The following SMAD3 variants were observed in gnomAD, a reference collection of about 807,000 sequenced individuals.
The protein encoded by SMAD3 is MAD homolog 3.
In SMAD3, 12 loss-of-function variants were observed where a neutral mutation model predicts 51.8. The observed-to-expected ratio is 0.23, with a 90% CI of 0.15 to 0.38. The LOEUF (loss-of-function observed/expected upper bound fraction) is 0.38. Among genes scored for constraint, SMAD3 ranks in the 10% least tolerant of loss-of-function variants. The pLI is 1.00. For missense variants in SMAD3, 294 were observed against 565.6 expected (o/e 0.52, Z 4.87); for synonymous variants, 238 against 227.7 (o/e 1.05, Z -0.41).
chr15:67,134,159 C>A (rs1056053554), intron 1 of SMAD3, among the ~76,000 whole-genome samples: 41 of 152,044 alleles, frequency 2.7e-4, no homozygotes, highest in African/African-American at 9.4e-4. Flanking sequence ...TTCTCCCTTC[C>A]CTTAAGAAAC....
intron 5 of SMAD3, among the ~76,000 whole-genome samples, chr15:67,179,666 T>C (rs987695382): frequency 3.3e-5 from 5 of 152,302 alleles, no homozygotes; most frequent in South Asian, 4.1e-4. Context: ...ACCAGACCCC[T>C]TCCAGTGGGC....
intron 5 of SMAD3, among the ~76,000 whole-genome samples, chr15:67,175,762 G>T (rs1962874204): frequency 6.6e-6 from 1 of 152,218 alleles, no homozygotes; most frequent in South Asian, 2.1e-4. Flanking sequence ...AGGTGTGGTG[G>T]CAGGGCGGCC....
At chr15:67,077,408 G>C (rs1238726812) in intron 1 of SMAD3, among the ~76,000 whole-genome samples, 1 of 152,190 alleles carries the variant, frequency 6.6e-6, no homozygotes, top group African/African-American at 2.4e-5. Context: ...ATGCAGATGA[G>C]GGAGAAGGTG....
At chr15:67,134,503 G>GA (rs1417591917) in intron 1 of SMAD3, among the ~76,000 whole-genome samples, 5 of 152,214 alleles carry the variant, frequency 3.3e-5, no homozygotes, top group African/African-American at 1.2e-4. Context: ...AGCCACTGCT[G>GA]AGAGTTCACA....
At chr15:67,190,169 A>G (rs1359116353) in intron 8 of SMAD3, among the ~76,000 whole-genome samples, 5 of 152,050 alleles carry the variant, frequency 3.3e-5, no homozygotes, top group African/African-American at 1.2e-4. Context: ...TTGACTTTAC[A>G]TGTTTAACTC....
At position 67,193,649 on chromosome 15, in the gene SMAD3, G is replaced by C. The variant is rs1167095530; in HGVS notation, c.*3113G>C. The C allele has an allele frequency of 8.6e-6, 2 of 233,482 alleles. No individual in the cohort carries two copies. The highest frequency in any genetic ancestry group is 1.7e-5 in the Non-Finnish European group (2 of 117,904). The allele number at this position is 233,482 out of a possible 1,614,324, so 14.5% of individuals were successfully genotyped here. A position where few individuals can be genotyped will look rare whatever the true frequency, so the allele number is the denominator to read the frequency against. Reference sequence around the variant, plus strand: ...TTAGGAAGAGCACACATGAGGGCAAGGCTGCTGGCAGACGTCTCCATTGTC... The same window carrying C: ...TTAGGAAGAGCACACATGAGGGCAACGCTGCTGGCAGACGTCTCCATTGTC... On this transcript the variant is annotated 3_prime_UTR_variant, in exon 9 of 9. Transcript: ENST00000327367.
intron 1 of SMAD3, among the ~76,000 whole-genome samples, chr15:67,095,617 C>T (rs1663927880): frequency 6.6e-6 from 1 of 152,028 alleles, no homozygotes; most frequent in South Asian, 2.1e-4. Flanking sequence ...TCTGTAACCT[C>T]TGCCTGCGGG....
In SMAD3 at chr15:67,186,495, C is replaced by T. The variant is rs542363112; in HGVS notation, c.1010-870C>T. Reference sequence around the variant, plus strand: ...AGAGAAAGCGACCAGCTCAGAGTCACACAGCAAGAACAGGAGCCTGCTGTT... The same window carrying T: ...AGAGAAAGCGACCAGCTCAGAGTCATACAGCAAGAACAGGAGCCTGCTGTT... On this transcript the variant is annotated intron_variant, in intron 7 of 8. Coordinates refer to ENST00000327367, the MANE Select transcript of SMAD3 (RefSeq NM_005902.4). 3.9e-5 allele frequency among the ~76,000 whole-genome samples: 6 copies of T among 152,334 alleles called. No homozygotes were observed. In the East Asian group the frequency reaches 1.2e-3, roughly 29 times the overall value.
At chr15:67,075,407 G>C (rs1960146777) in intron 1 of SMAD3, among the ~76,000 whole-genome samples, 1 of 152,184 alleles carries the variant, frequency 6.6e-6, no homozygotes, top group African/African-American at 2.4e-5. Context: ...TCTCTACCCA[G>C]ACAGGTTCTT....
intron 1 of SMAD3, among the ~76,000 whole-genome samples, chr15:67,163,886 C>G (rs1281802662): frequency 1.4e-5 from 2 of 146,372 alleles, no homozygotes; most frequent in African/African-American, 5.1e-5. Context: ...TTGCAGTGAG[C>G]CGAGATCATG....
intron 1 of SMAD3, among the ~76,000 whole-genome samples, chr15:67,078,618 G>A (rs1289394098): frequency 2.0e-5 from 3 of 152,182 alleles, no homozygotes; most frequent in Non-Finnish European, 4.4e-5. Context: ...TGGTGGTGGT[G>A]GTGGTGGTTT....
intron 1 of SMAD3, among the ~76,000 whole-genome samples, chr15:67,123,502 A>T (rs1447481575): frequency 6.6e-6 from 1 of 152,244 alleles, no homozygotes; most frequent in Non-Finnish European, 1.5e-5. Flanking sequence ...TCCGTCTCAA[A>T]AAAAAGGAAA....
chr15:67,127,051 G>A (rs1237643573), intron 1 of SMAD3, among the ~76,000 whole-genome samples: 2 of 152,150 alleles, frequency 1.3e-5, no homozygotes, highest in Admixed American at 1.3e-4. Flanking sequence ...GCCATCAAAT[G>A]GGATCCATTT....
At chr15:67,147,321 A>G (rs1389733348) in intron 1 of SMAD3, among the ~76,000 whole-genome samples, 1 of 152,124 alleles carries the variant, frequency 6.6e-6, no homozygotes, top group Non-Finnish European at 1.5e-5. Context: ...CTCCACAGAA[A>G]CCACTCTGTT....
At chr15:67,166,473 G>C (rs1209467116) in intron 3 of SMAD3, 2 of 497,670 alleles carry the variant, frequency 4.0e-6, no homozygotes, top group Non-Finnish European at 7.4e-6. Flanking sequence ...GAGGGGGTGG[G>C]GCTTAACCCT....
chr15:67,192,350 C>A lies in SMAD3; in HGVS notation c.*1814C>A, dbSNP rs902278667. On this transcript the variant is annotated 3_prime_UTR_variant, in exon 9 of 9. Coordinates refer to ENST00000327367, the MANE Select transcript of SMAD3 (RefSeq NM_005902.4). Reference sequence around the variant, plus strand: ...AGCACCTTGACAGACTTGTGTGAGTCTTCTCGAAGGAGGGTTGACTCAGAA... The same window carrying A: ...AGCACCTTGACAGACTTGTGTGAGTATTCTCGAAGGAGGGTTGACTCAGAA... 4 of 233,032 alleles carry A rather than the reference C, an allele frequency of 1.7e-5. No individual in the cohort carries two copies. The East Asian group carries it at 1.8e-4, about 10-fold the overall frequency. The allele number at this position is 233,032 out of a possible 1,614,324, so 14.4% of individuals were successfully genotyped here.
At chr15:67,086,799 TG>T (rs1176460813) in intron 1 of SMAD3, among the ~76,000 whole-genome samples, 1 of 151,914 alleles carries the variant, frequency 6.6e-6, no homozygotes, top group Admixed American at 6.6e-5. Flanking sequence ...AGACAGAGCA[TG>T]GAGAGTGGAA....
chr15:67,148,349 C>T (rs1566984742), intron 1 of SMAD3, among the ~76,000 whole-genome samples: 1 of 152,174 alleles, frequency 6.6e-6, no homozygotes, highest in South Asian at 2.1e-4. Context: ...CCAGTCCATC[C>T]CCAGTGTGGG....
At chr15:67,089,386 G>A (rs1321017686) in intron 1 of SMAD3, among the ~76,000 whole-genome samples, 1 of 152,232 alleles carries the variant, frequency 6.6e-6, no homozygotes, top group Non-Finnish European at 1.5e-5. Flanking sequence ...ACACCAGTGG[G>A]AAAGTGCACT....
Sources: allele counts gnomAD v4.1 joint callset (sites outside exome capture counted in the v4.1 genomes callset), GRCh38; gene constraint gnomAD v4.1.1; transcripts MANE v1.5; gene names NCBI Gene and HGNC (gene_info 2026-07-23, HGNC 2026-07-21).